ZFPL1: variants seen among roughly 807,000 people sequenced by gnomAD.
The protein encoded by ZFPL1 is zinc finger protein like 1.
In ZFPL1, 28 loss-of-function variants were observed where a neutral mutation model predicts 32.0. The ratio of observed to expected loss-of-function variants is 0.87; its 90% CI spans 0.65 to 1.20. ZFPL1 has a LOEUF of 1.20. Among genes scored for constraint, ZFPL1 ranks in the 50% most tolerant of loss-of-function variants. The pLI is 0.00. For synonymous variants in ZFPL1, 165 were observed against 177.0 expected (o/e 0.93, Z 0.54); for missense variants, 386 against 424.8 (o/e 0.91, Z 0.80).
intron 3 of ZFPL1, 81 bp downstream of exon 3, chr11:65,085,307 G>C (rs1361479679): frequency 8.1e-7 from 1 of 1,241,184 alleles, no homozygotes; most frequent in East Asian, 2.3e-5. Context: ...TCCTCAAGCA[G>C]CAGGACAGTG....
chr11:65,087,810 C>A, intron 7 of ZFPL1, 118 bp from the exon 8 acceptor site: 1 of 1,101,304 alleles, frequency 9.1e-7, no homozygotes, highest in Non-Finnish European at 1.3e-6. Context: ...GAGTGATCAT[C>A]CCTGAGGCAC....
In ZFPL1 at chr11:65,086,578, C is replaced by T; in HGVS notation, c.378C>T (p.Asn126=). ...SALREKLATV[N]WARAGLGLPL... is the part of the protein sequence containing the mutation. ...TGAGAGAGAAGCTGGCCACAGTCAA[C>T]TGGGCCCGGGCAGGACTGGGCCTCC... Residue 126 remains asparagine, a synonymous_variant, in exon 4 of 8, where the codon AAC becomes AAT. Transcript: ENST00000294258. 6.2e-7 allele frequency: 1 copy of T among 1,614,188 alleles called. No homozygotes were observed. Among genetic ancestry groups the T allele is most frequent in the Non-Finnish European group, 8.5e-7 (1 of 1,180,016 alleles).
At position 65,086,713 on chromosome 11, in the gene ZFPL1, C is replaced by A. The variant is rs114231983; in HGVS notation, c.409-7C>A. 4 of 1,614,220 alleles carry A rather than the reference C, an allele frequency of 2.5e-6. No individual in the cohort carries two copies. The South Asian group carries it at 4.4e-5, about 18-fold the overall frequency. On this transcript the variant is annotated splice_polypyrimidine_tract_variant and splice_region_variant and intron_variant, in intron 4 of 7. Transcript: ENST00000294258. ...GGCAGCCTGGTGACCCAGATTCCTT[C>A]CTCCAGATCGATGAGGTGGTGAGCC... is the stretch of plus-strand genomic sequence containing the variant.
chr11:65,084,589 ATG>A, intron 1 of ZFPL1, 100 bp from the exon 2 acceptor site: 1 of 916,576 alleles, frequency 1.1e-6, no homozygotes, highest in Middle Eastern at 2.2e-4. Flanking sequence ...CGGGGCGAAT[ATG>A]AGAGGTGTCT....
chr11:65,084,941 TC>T, intron 2 of ZFPL1, 141 bp downstream of exon 2: 1 of 1,100,986 alleles, frequency 9.1e-7, no homozygotes, highest in Non-Finnish European at 1.3e-6. Context: ...CACTGATATA[TC>T]CCCCGTTCCC....
chr11:65,087,366 C>A lies in ZFPL1; in HGVS notation c.679C>A (p.His227Asn). Residue 227 changes from histidine (H) to asparagine (N), a missense_variant, in exon 7 of 8, where the codon CAT becomes AAT. Coordinates refer to ENST00000294258, the MANE Select transcript of ZFPL1 (RefSeq NM_006782.4). Reference sequence around the variant, plus strand: ...GGATGATGACCGGACACCAGGCCTCCATGGAGACTGTGACGATGACAAGTA... The same window carrying A: ...GGATGATGACCGGACACCAGGCCTCAATGGAGACTGTGACGATGACAAGTA... The part of the protein sequence containing the change: ...TRDDDRTPGL[H>N]GDCDDDKYRR... 6.2e-7 allele frequency: 1 copy of A among 1,614,112 alleles called. No individual in the cohort carries two copies. Among genetic ancestry groups the A allele is most frequent in the Non-Finnish European group, 8.5e-7 (1 of 1,180,014 alleles).
At position 65,086,447 on chromosome 11, in the gene ZFPL1, G is replaced by A; in HGVS notation, c.247G>A (p.Ala83Thr). 6.2e-7 allele frequency: 1 copy of A among 1,614,044 alleles called. No homozygotes were observed. Residue 83 changes from alanine (A) to threonine (T), a missense_variant, in exon 4 of 8, where the codon GCT (alanine) becomes ACT (threonine). Transcript: ENST00000294258. The stretch of plus-strand genomic sequence containing the variant: ...TCACTGGGCCTGCCTCAATGAACGT[G>A]CTGCCCAGCTACCCCGAAACACGGC... ...LFHWACLNERAAQLPRNTAPA... is the reference protein window; with the variant it reads ...LFHWACLNERTAQLPRNTAPA...
chr11:65,084,230 G>A lies in ZFPL1; in HGVS notation c.-157G>A. 1.7e-6 allele frequency: 1 copy of A among 582,734 alleles called. No homozygotes were observed. The highest frequency in any genetic ancestry group is 3.0e-6 in the Non-Finnish European group (1 of 329,776). The allele number at this position is 582,734 out of a possible 1,614,324, so 36.1% of individuals were successfully genotyped here. On this transcript the variant is annotated 5_prime_UTR_variant, in exon 1 of 8. Coordinates refer to ENST00000294258, the MANE Select transcript of ZFPL1 (RefSeq NM_006782.4). ...CGCGCGCCGCACCCGGAAGAGACGT[G>A]GCAGCGGAGGGATAATCGGGGCGGC...
Position 65,086,972 on chromosome 11 carries a change from G to C in ZFPL1, c.526G>C (p.Ala176Pro), listed in dbSNP as rs202122715. 6.2e-7 allele frequency: 1 copy of C among 1,614,044 alleles called. No individual in the cohort carries two copies. Among genetic ancestry groups the C allele is most frequent in the Non-Finnish European group, 8.5e-7 (1 of 1,180,000 alleles). ...GPEEVDSASA[A>P]PAFYSQAPRP... The stretch of plus-strand genomic sequence containing the variant: ...AGAGGAGGTAGACAGCGCCTCTGCT[G>C]CCCCAGCCTTCTACAGCCAGGCCCC... Residue 176 changes from alanine (A) to proline (P), a missense_variant, in exon 6 of 8, where the codon GCC becomes CCC. Ala to Pro is a conservative substitution (Grantham distance 27, BLOSUM62 -1). Coordinates refer to ENST00000294258, the MANE Select transcript of ZFPL1 (RefSeq NM_006782.4).
At position 65,087,920 on chromosome 11, in the gene ZFPL1, C is replaced by G. The variant is rs550452281; in HGVS notation, c.747-8C>G. On this transcript the variant is annotated splice_polypyrimidine_tract_variant and splice_region_variant and intron_variant, in intron 7 of 7. Transcript: ENST00000294258. ...GGGCCTGACCTGATTTTCCCCTCAT[C>G]CCCCCAGGAGCCGGGCTGGGTCTCG... The G allele has an allele frequency of 3.9e-6, 6 of 1,549,440 alleles. No homozygotes were observed. The highest frequency in any genetic ancestry group is 5.2e-6 in the Non-Finnish European group (6 of 1,161,914).
chr11:65,085,166 A>G lies in ZFPL1; in HGVS notation c.154A>G (p.Asn52Asp). The G allele has an allele frequency of 6.2e-7, 1 of 1,614,060 alleles. No individual in the cohort carries two copies. ...QWLQDSDYNP[N>D]CRLCNIPLAS... ...GCTCCAAGATAGCGACTACAACCCC[A>G]ATTGCCGCCTGTGCAACATACCCCT... The change falls in exon 3 of 8, where the codon AAT becomes GAT. Residue 52 changes from asparagine to aspartate, a missense_variant. By Grantham distance (23) the Asn-to-Asp change is conservative. Transcript: ENST00000294258.
intron 6 of ZFPL1, 115 bp from the exon 7 acceptor site, chr11:65,087,201 C>T (rs1426145363): frequency 1.9e-6 from 3 of 1,552,906 alleles, no homozygotes; most frequent in African/African-American, 2.7e-5. Context: ...CAGCCATTAC[C>T]TCCTCACAAT....
In ZFPL1 at chr11:65,087,976, G is replaced by A. The variant is rs748833583; in HGVS notation, c.795G>A (p.Ala265=). The A allele has an allele frequency of 9.4e-6, 15 of 1,587,430 alleles. No individual in the cohort carries two copies. The highest frequency in any genetic ancestry group is 1.1e-5 in the South Asian group (1 of 87,994). Reference sequence around the variant, plus strand: ...GGCCGCTGACCCTGCTCCAGCGGGCGGGGCTGCTGCTACTCTTGGGACTGC... The same window carrying A: ...GGCCGCTGACCCTGCTCCAGCGGGCAGGGCTGCTGCTACTCTTGGGACTGC... The part of the protein sequence containing the change: ...RKRPLTLLQR[A]GLLLLLGLLG... Residue 265 remains alanine, a synonymous_variant, in exon 8 of 8, where the codon GCG becomes GCA. Transcript: ENST00000294258.
At chr11:65,087,557 C>A in intron 7 of ZFPL1, 124 bp downstream of exon 7, 1 of 927,488 alleles carries the variant, frequency 1.1e-6, no homozygotes, top group Non-Finnish European at 1.7e-6. Context: ...GTACCTGGTG[C>A]TGGGGCTGTG....
chr11:65,086,936 A>G lies in ZFPL1; in HGVS notation c.490A>G (p.Thr164Ala). 6.2e-7 allele frequency: 1 copy of G among 1,613,712 alleles called. No individual in the cohort carries two copies. The highest frequency in any genetic ancestry group is 8.5e-7 in the Non-Finnish European group (1 of 1,179,844). The change falls in exon 6 of 8, where the codon ACC (threonine) becomes GCC (alanine). Residue 164 changes from threonine to alanine, a missense_variant. Physicochemically the swap from Thr to Ala is moderately conservative, Grantham distance 58. Coordinates refer to ENST00000294258, the MANE Select transcript of ZFPL1 (RefSeq NM_006782.4). Reference protein sequence around the residue: ...SDWSSFNASSTPGPEEVDSAS... With the variant: ...SDWSSFNASSAPGPEEVDSAS... ...TCTCTTTCCACCCACAGCCAGCAGT[A>G]CCCCTGGACCAGAGGAGGTAGACAG...
chr11:65,088,275 C>A lies in ZFPL1; in HGVS notation c.*161C>A. On this transcript the variant is annotated 3_prime_UTR_variant, in exon 8 of 8. Transcript: ENST00000294258. ...CAAGTCCACCAGAGTGGCTGCAGGC[C>A]AGGCCTGGAGTCCCCGTGGGTCAAG... The A allele has an allele frequency of 8.8e-7, 1 of 1,134,058 alleles. No individual in the cohort carries two copies. Among genetic ancestry groups the A allele is most frequent in the Non-Finnish European group, 1.3e-6 (1 of 799,686 alleles). The allele number at this position is 1,134,058 out of a possible 1,614,324, so 70.2% of individuals were successfully genotyped here. A position where few individuals can be genotyped will look rare whatever the true frequency, so the allele number is the denominator to read the frequency against.
Position 65,087,812 on chromosome 11 carries a change from C to G in ZFPL1, c.747-116C>G, listed in dbSNP as rs1015453580. ...GTGGCAGGTGCAGGAGTGATCATCCCTGAGGCACAGACGAGGAGATGGAGG... is the reference window on the plus strand; with the variant it reads ...GTGGCAGGTGCAGGAGTGATCATCCGTGAGGCACAGACGAGGAGATGGAGG... On this transcript the variant is annotated intron_variant, in intron 7 of 7. Coordinates refer to ENST00000294258, the MANE Select transcript of ZFPL1 (RefSeq NM_006782.4). The G allele has an allele frequency of 3.6e-5, 41 of 1,136,712 alleles. No individual in the cohort carries two copies. In the African/African-American group the frequency reaches 6.3e-4, roughly 17 times the overall value. The allele number at this position is 1,136,712 out of a possible 1,614,324, so 70.4% of individuals were successfully genotyped here. A position where few individuals can be genotyped will look rare whatever the true frequency, so the allele number is the denominator to read the frequency against.
At position 65,087,925 on chromosome 11, in the gene ZFPL1, C is replaced by CA; in HGVS notation, c.747-2dup. 4 of 1,556,886 alleles carry CA rather than the reference C, an allele frequency of 2.6e-6. No homozygotes were observed. The highest frequency in any genetic ancestry group is 4.6e-5 in the East Asian group (2 of 43,772). ...TGACCTGATTTTCCCCTCATCCCCC[C>CA]AGGAGCCGGGCTGGGTCTCGGAAGC... On this transcript the variant is annotated splice_polypyrimidine_tract_variant and splice_region_variant and intron_variant, in intron 7 of 7. Coordinates refer to ENST00000294258, the MANE Select transcript of ZFPL1 (RefSeq NM_006782.4).
intron 3 of ZFPL1, chr11:65,085,566 C>G: frequency 2.7e-6 from 1 of 364,956 alleles, no homozygotes; most frequent in South Asian, 2.5e-5. Flanking sequence ...TTCAGATATT[C>G]AGGATCCACC....
Sources: allele counts gnomAD v4.1 joint callset, GRCh38; gene constraint gnomAD v4.1.1; transcripts MANE v1.5; gene names NCBI Gene and HGNC (gene_info 2026-07-23, HGNC 2026-07-21).